TRPC1: variants seen among roughly 807,000 people sequenced by gnomAD.
The protein encoded by TRPC1 is short transient receptor potential channel 1.
TRPC1 carries 42 observed loss-of-function variants against 88.2 expected under a neutral mutation model. The ratio of observed to expected loss-of-function variants is 0.48; its 90% confidence interval spans 0.37 to 0.62. The LOEUF is 0.62. Among genes scored for constraint, TRPC1 ranks in the 20% least tolerant of loss-of-function variants. TRPC1 has a pLI of 0.00. For missense variants in TRPC1, 699 were observed against 957.3 expected, an observed-to-expected ratio of 0.73 and a Z score of 3.56; for synonymous variants, 288 against 331.8, an observed-to-expected ratio of 0.87 and a Z score of 1.43.
At chr3:142,789,304 C>T (rs1218126362) in intron 7 of TRPC1, among the ~76,000 whole-genome samples, 1 of 152,102 alleles carries the variant, frequency 6.6e-6, no homozygotes, top group Non-Finnish European at 1.5e-5. Context: ...ATCCCTACTC[C>T]TTCCCCAAAT....
chr3:142,793,393 A>C (rs914730387), intron 9 of TRPC1, among the ~76,000 whole-genome samples: 7 of 152,124 alleles, frequency 4.6e-5, no homozygotes, highest in African/African-American at 1.7e-4. Context: ...TGGATTTAAA[A>C]GAATACTTAC....
intron 7 of TRPC1, among the ~76,000 whole-genome samples, chr3:142,788,081 G>C (rs1322127659): frequency 6.6e-6 from 1 of 152,134 alleles, no homozygotes; most frequent in African/African-American, 2.4e-5. Context: ...TGGCCTTGTA[G>C]GTCAGGTTAA....
chr3:142,785,015 C>A lies in TRPC1; in HGVS notation c.1272C>A (p.Asp424Glu). 1 of 1,610,098 alleles carries A rather than the reference C, an allele frequency of 6.2e-7. No individual in the cohort carries two copies. Among genetic ancestry groups the A allele is most frequent in the Non-Finnish European group, 8.5e-7 (1 of 1,178,380 alleles). Residue 424 changes from aspartate to glutamate, a missense_variant, in exon 7 of 13, where the codon GAC (aspartate) becomes GAA (glutamate). This residue lies in a region of TRPC1 where 426 missense variants were observed against 641.3 expected (regional missense o/e 0.66). Transcript: ENST00000476941. ...TGGGGCCAGCCCTTGAAAGAATAGA[C>A]TATCTTCTTATTCTGTGGATTATTG... ...NTMGPALERI[D>E]YLLILWIIGM...
intron 4 of TRPC1, among the ~76,000 whole-genome samples, chr3:142,770,559 G>T (rs543452565): frequency 6.6e-6 from 1 of 152,156 alleles, no homozygotes; most frequent in South Asian, 2.1e-4. Context: ...TAATCTATTT[G>T]TGTCCTTCAA....
At chr3:142,790,520 A>C (rs1936261858) in intron 7 of TRPC1, among the ~76,000 whole-genome samples, 1 of 152,208 alleles carries the variant, frequency 6.6e-6, no homozygotes, top group Non-Finnish European at 1.5e-5. Flanking sequence ...TATAAACTTG[A>C]GAGCCTTTGC....
chr3:142,754,089 CAAAAAAAAAA>C (rs10609600), intron 4 of TRPC1, among the ~76,000 whole-genome samples: 4 of 86,152 alleles, frequency 4.6e-5, no homozygotes, highest in Admixed American at 2.8e-4. Flanking sequence ...GACTCCGTCT[CAAAAAAAAAA>C]AAAAAAAAAA....
At chr3:142,748,933 G>A (rs546222541) in intron 4 of TRPC1, among the ~76,000 whole-genome samples, 1 of 152,184 alleles carries the variant, frequency 6.6e-6, no homozygotes, top group East Asian at 1.9e-4. Flanking sequence ...AATTAAAAAT[G>A]TTAAGAACAA....
At chr3:142,765,137 T>C (rs1353598491) in intron 4 of TRPC1, among the ~76,000 whole-genome samples, 1 of 151,864 alleles carries the variant, frequency 6.6e-6, no homozygotes, top group African/African-American at 2.4e-5. Context: ...ATCTCTACAA[T>C]GAGAACTACA....
At chr3:142,757,361 TTATTGCGGCAC>T (rs1323551888) in intron 4 of TRPC1, among the ~76,000 whole-genome samples, 1 of 148,572 alleles carries the variant, frequency 6.7e-6, no homozygotes, top group Non-Finnish European at 1.5e-5. Context: ...GCACACATGT[TTATTGCGGCAC>T]TATTCACAAT....
chr3:142,743,706 C>A, intron 3 of TRPC1, 120 bp downstream of exon 3: 10 of 547,262 alleles, frequency 1.8e-5, no homozygotes, highest in Non-Finnish European at 2.9e-5. Context: ...GATATTTTTT[C>A]TCACTCTGTA....
intron 4 of TRPC1, among the ~76,000 whole-genome samples, chr3:142,771,203 G>A (rs1168615878): frequency 6.6e-6 from 1 of 152,186 alleles, no homozygotes; most frequent in Non-Finnish European, 1.5e-5. Flanking sequence ...ATGAGGTTTG[G>A]AGGGAACAAA....
chr3:142,786,050 C>T (rs1008779273), intron 7 of TRPC1, among the ~76,000 whole-genome samples: 1 of 151,996 alleles, frequency 6.6e-6, no homozygotes, highest in African/African-American at 2.4e-5. Context: ...CTCGTCTTGC[C>T]TTCTGTGTGT....
intron 1 of TRPC1, among the ~76,000 whole-genome samples, chr3:142,727,044 A>G (rs1204970959): frequency 6.6e-6 from 1 of 152,204 alleles, no homozygotes; most frequent in African/African-American, 2.4e-5. Context: ...CCTAACCACT[A>G]CGTTATATAG....
Position 142,777,750 on chromosome 3 carries a change from G to A in TRPC1, c.751G>A (p.Glu251Lys). ...TGATTTAAAAGAACTAAGTCTTGTG[G>A]AGGTGGAATTCAGGTGGGAATGAAT... Reference protein sequence around the residue: ...SADLKELSLVEVEFRNDYEEL... With the variant: ...SADLKELSLVKVEFRNDYEEL... The change falls in exon 5 of 13, where the codon GAG (glutamate) becomes AAG (lysine). Residue 251 changes from glutamate to lysine, a missense_variant. This residue lies in a region of TRPC1 where 426 missense variants were observed against 641.3 expected (regional missense o/e 0.66). Transcript: ENST00000476941. 1 of 1,608,460 alleles carries A rather than the reference G, an allele frequency of 6.2e-7. No homozygotes were observed. The highest frequency in any genetic ancestry group is 1.1e-5 in the South Asian group (1 of 89,884).
chr3:142,784,880 C>T lies in TRPC1; in HGVS notation c.1137C>T (p.Ile379=), dbSNP rs367550915. The change falls in exon 7 of 13, where the codon ATC becomes ATT. Residue 379 remains isoleucine, a synonymous_variant. Coordinates refer to ENST00000476941, the MANE Select transcript of TRPC1 (RefSeq NM_001251845.2). Reference sequence around the variant, plus strand: ...CTCCCAAATCTCAGTTTGGCAGAATCATTCACACACCTTTTATGAAATTTA... The same window carrying T: ...CTCCCAAATCTCAGTTTGGCAGAATTATTCACACACCTTTTATGAAATTTA... ...LIAPKSQFGR[I]IHTPFMKFII... 1 of 1,614,148 alleles carries T rather than the reference C, an allele frequency of 6.2e-7. No individual in the cohort carries two copies. The highest frequency in any genetic ancestry group is 1.3e-5 in the African/African-American group (1 of 75,058).
rs139399832 is a variant in TRPC1, at chr3:142,748,581, G to A, written c.632+121G>A. On this transcript the variant is annotated intron_variant, in intron 4 of 12. Coordinates refer to ENST00000476941, the MANE Select transcript of TRPC1 (RefSeq NM_001251845.2). ...TGTGATGCTGGGGTGACTTATGAAA[G>A]CCAAACTTGTAGCTCCTTTGTTTTA... 2.4e-3 allele frequency: 2,331 copies of A among 978,852 alleles called. 37 individuals carry two copies. In the African/African-American group the frequency reaches 0.033, roughly 14 times the overall value. The allele number at this position is 978,852 out of a possible 1,614,324, so 60.6% of individuals were successfully genotyped here.
At chr3:142,769,492 C>T (rs1316844799) in intron 4 of TRPC1, among the ~76,000 whole-genome samples, 1 of 152,106 alleles carries the variant, frequency 6.6e-6, no homozygotes, top group African/African-American at 2.4e-5. Flanking sequence ...TGTGCCTGGC[C>T]TCTTCTTTCT....
intron 6 of TRPC1, among the ~76,000 whole-genome samples, chr3:142,782,234 G>A (rs1282890993): frequency 6.6e-6 from 1 of 152,090 alleles, no homozygotes; most frequent in African/African-American, 2.4e-5. Flanking sequence ...CTCACAGAGT[G>A]GAGTCCAAAT....
At chr3:142,775,568 A>G (rs1577986595) in intron 4 of TRPC1, among the ~76,000 whole-genome samples, 1 of 152,262 alleles carries the variant, frequency 6.6e-6, no homozygotes, top group East Asian at 1.9e-4. Context: ...GCAGTGAGCA[A>G]AAGTTGCGCT....
Sources: allele counts gnomAD v4.1 joint callset (sites outside exome capture counted in the v4.1 genomes callset), GRCh38; gene constraint gnomAD v4.1.1; regional missense constraint gnomAD v4.1.1; transcripts MANE v1.5; gene names NCBI Gene and HGNC (gene_info 2026-07-23, HGNC 2026-07-21).